ZFP69: variants seen among roughly 807,000 people sequenced by gnomAD.
ZFP69 encodes ZFP69 zinc finger protein.
ZFP69 carries 35 observed loss-of-function variants against 48.9 expected under a neutral mutation model. The observed-to-expected ratio is 0.72, with a 90% CI of 0.55 to 0.95. ZFP69 has a LOEUF of 0.95. Ranked by LOEUF, ZFP69 falls within the 40% of genes least tolerant of loss-of-function variation. The pLI is 0.00. For missense variants in ZFP69, 557 were observed against 638.4 expected, an observed-to-expected ratio of 0.87 and a Z score of 1.37; for synonymous variants, 193 against 216.8, an observed-to-expected ratio of 0.89 and a Z score of 0.96.
chr1:40,489,818 G>A (rs1645545236), intron 5 of ZFP69, among the ~76,000 whole-genome samples, 194 bp downstream of exon 5: 1 of 152,042 alleles, frequency 6.6e-6, no homozygotes, highest in East Asian at 1.9e-4. Flanking sequence ...CATGGTGGGA[G>A]CTGGAGCATG....
At chr1:40,488,161 T>A (rs1485501669) in intron 3 of ZFP69, among the ~76,000 whole-genome samples, 1 of 123,108 alleles carries the variant, frequency 8.1e-6, no homozygotes, top group East Asian at 2.4e-4. Context: ...TGTGTGTGTT[T>A]TGTATGTATA....
chr1:40,486,887 A>C (rs576534016), intron 3 of ZFP69, among the ~76,000 whole-genome samples: 33 of 146,000 alleles, frequency 2.3e-4, no homozygotes, highest in Non-Finnish European at 3.8e-4. Flanking sequence ...ATTTTTAGAT[A>C]TTGTCTTTTT....
intron 2 of ZFP69, among the ~76,000 whole-genome samples, chr1:40,480,712 C>T (rs1645435252): frequency 6.6e-6 from 1 of 152,036 alleles, no homozygotes; most frequent in Non-Finnish European, 1.5e-5. Flanking sequence ...GAAATGCATA[C>T]AAATGTCTGC....
intron 5 of ZFP69, chr1:40,490,897 A>C (rs1645561141): frequency 6.6e-6 from 1 of 152,216 alleles, no homozygotes; most frequent in African/African-American, 2.4e-5. Context: ...TTAGACACTC[A>C]GAAAGGCATA....
chr1:40,489,270 T>C, intron 4 of ZFP69, 56 bp downstream of exon 4: 1 of 1,584,550 alleles, frequency 6.3e-7, no homozygotes, highest in Non-Finnish European at 8.6e-7. Context: ...AGAGTCATTA[T>C]TTTAAATTAT....
chr1:40,496,051 A>G lies in ZFP69; in HGVS notation c.1573A>G (p.Lys525Glu), dbSNP rs1181921549. The stretch of plus-strand genomic sequence containing the variant: ...ACACAGGAGGAACGCCTTCCGAAAT[A>G]AGGTGTAAAAACAGATATTTGACTT... ...EIHRRNAFRN[K>E]V The change falls in exon 6 of 6, where the codon AAG becomes GAG. Residue 525 changes from lysine (K) to glutamate (E), a missense_variant. By Grantham distance (56) the Lys-to-Glu change is moderately conservative (BLOSUM62 1). Transcript: ENST00000372706. 1 of 1,578,828 alleles carries G rather than the reference A, an allele frequency of 6.3e-7. No homozygotes were observed. Among genetic ancestry groups the G allele is most frequent in the East Asian group, 2.2e-5 (1 of 44,576 alleles).
chr1:40,494,365 T>G, intron 5 of ZFP69, among the ~76,000 whole-genome samples: 1 of 135,802 alleles, frequency 7.4e-6, no homozygotes, highest in East Asian at 2.2e-4. Context: ...GCCTCCCGGG[T>G]TCACGCCATT....
intron 5 of ZFP69, chr1:40,493,649 T>A (rs1380949385): frequency 1.3e-5 from 2 of 152,216 alleles, no homozygotes; most frequent in Admixed American, 1.3e-4. Context: ...CCCCATCATC[T>A]TCTTTTCCTC....
rs767742441 is a variant in ZFP69, at chr1:40,495,998, ACT to A, written c.1523_1524del (p.Ser508PhefsTer3). ...GAATGTGGAAAAGCCTTCAGCTATA[ACT>A]CTTCACTTAGTCGACATCATGAAAT... On this transcript the variant is annotated frameshift_variant, in exon 6 of 6. Coordinates refer to ENST00000372706, the MANE Select transcript of ZFP69 (RefSeq NM_001320179.2). LOFTEE classifies it high-confidence loss of function. 2 of 1,613,180 alleles carry A rather than the reference ACT, an allele frequency of 1.2e-6. No individual in the cohort carries two copies. Among genetic ancestry groups the A allele is most frequent in the Admixed American group, 1.7e-5 (1 of 59,734 alleles).
In ZFP69 at chr1:40,495,030, T is replaced by C. The variant is rs868472357; in HGVS notation, c.552T>C (p.Ile184=). 1 of 1,614,036 alleles carries C rather than the reference T, an allele frequency of 6.2e-7. No individual in the cohort carries two copies. The highest frequency in any genetic ancestry group is 8.5e-7 in the Non-Finnish European group (1 of 1,180,008). The change falls in exon 6 of 6, where the codon ATT becomes ATC. Residue 184 remains isoleucine, a synonymous_variant. Coordinates refer to ENST00000372706, the MANE Select transcript of ZFP69 (RefSeq NM_001320179.2). ...AAAGTTTCATGAGGGATGATATAAT[T>C]TATTCCACGTTGAGAAAAGTCTCCA... ...MMESFMRDDI[I]YSTLRKVSTY... is the part of the protein sequence containing the mutation.
In ZFP69 at chr1:40,495,303, A is replaced by G. The variant is rs1173292271; in HGVS notation, c.825A>G (p.Ile275Met). 6.2e-7 allele frequency: 1 copy of G among 1,614,134 alleles called. No homozygotes were observed. Among genetic ancestry groups the G allele is most frequent in the East Asian group, 2.2e-5 (1 of 44,882 alleles). Residue 275 changes from isoleucine to methionine, a missense_variant, in exon 6 of 6, where the codon ATA becomes ATG. By Grantham distance (10) the Ile-to-Met change is conservative. Coordinates refer to ENST00000372706, the MANE Select transcript of ZFP69 (RefSeq NM_001320179.2). ...GAACAAAAACCTATGAATGTAATAT[A>G]TGTGAAAAAATCTTCAAACAACCTA... ...YIRTKTYECN[I>M]CEKIFKQPIH...
chr1:40,489,196 A>G lies in ZFP69; in HGVS notation c.328A>G (p.Ser110Gly). The G allele has an allele frequency of 1.2e-6, 2 of 1,614,168 alleles. No homozygotes were observed. The highest frequency in any genetic ancestry group is 1.7e-6 in the Non-Finnish European group (2 of 1,180,016). Reference protein sequence around the residue: ...LYREVMLENYSNLVSVGYQLS... With the variant: ...LYREVMLENYGNLVSVGYQLS... ...CCGAGAGGTGATGCTGGAGAACTAC[A>G]GCAACTTGGTGTCAGTGGGTAAGAC... is the stretch of plus-strand genomic sequence containing the variant. The change falls in exon 4 of 6, where the codon AGC becomes GGC. Residue 110 changes from serine to glycine, a missense_variant. By Grantham distance (56) the Ser-to-Gly change is moderately conservative (BLOSUM62 0). Coordinates refer to ENST00000372706, the MANE Select transcript of ZFP69 (RefSeq NM_001320179.2).
intron 3 of ZFP69, among the ~76,000 whole-genome samples, chr1:40,488,669 A>G (rs1645530746): frequency 6.6e-6 from 1 of 152,152 alleles, no homozygotes; most frequent in African/African-American, 2.4e-5. Flanking sequence ...CCTGCCCAGG[A>G]TGCTCTTCTC....
chr1:40,485,542 T>G lies in ZFP69; in HGVS notation c.220-3546T>G, dbSNP rs77292014. ...GAAAATGGAAAAAAACATGTCTTTCTTATTTGCCCTCATATTTATCCATTT... is the reference window on the plus strand; with the variant it reads ...GAAAATGGAAAAAAACATGTCTTTCGTATTTGCCCTCATATTTATCCATTT... On this transcript the variant is annotated intron_variant, in intron 3 of 5. Coordinates refer to ENST00000372706, the MANE Select transcript of ZFP69 (RefSeq NM_001320179.2). Among the ~76,000 whole-genome samples, 943 of 152,286 alleles carry G rather than the reference T, an allele frequency of 6.2e-3. 19 individuals carry two copies. The East Asian group carries it at 0.082, about 13-fold the overall frequency.
chr1:40,489,450 C>A, intron 4 of ZFP69, 79 bp from the exon 5 acceptor site: 1 of 1,346,996 alleles, frequency 7.4e-7, no homozygotes, highest in Non-Finnish European at 1.0e-6. Flanking sequence ...ACCCTGAATA[C>A]CAGAAGACTC....
Position 40,479,450 on chromosome 1 carries a change from C to T in ZFP69, c.89C>T (p.Pro30Leu). Residue 30 changes from proline (P) to leucine (L), a missense_variant, in exon 2 of 6, where the codon CCC becomes CTC. Pro to Leu is a moderately conservative substitution (Grantham distance 98). Transcript: ENST00000372706. ...CCAAAGAAGGCCGTGGAGGGGGCGC[C>T]CCTGTGGGAGGATGTGACTAAAATG... Reference protein sequence around the residue: ...QHPKKAVEGAPLWEDVTKMFE... With the variant: ...QHPKKAVEGALLWEDVTKMFE... The T allele has an allele frequency of 6.2e-7, 1 of 1,613,898 alleles. No individual in the cohort carries two copies. The highest frequency in any genetic ancestry group is 8.5e-7 in the Non-Finnish European group (1 of 1,179,920).
At chr1:40,482,202 CA>C (rs1346455496) in intron 3 of ZFP69, among the ~76,000 whole-genome samples, 2 of 151,880 alleles carry the variant, frequency 1.3e-5, no homozygotes, top group Non-Finnish European at 2.9e-5. Context: ...ATGAAATACT[CA>C]AAATCAAAAT....
intron 3 of ZFP69, among the ~76,000 whole-genome samples, chr1:40,482,487 A>G (rs192831580): frequency 9.2e-5 from 14 of 152,300 alleles, no homozygotes; most frequent in East Asian, 1.9e-4. Context: ...AATAAATGTG[A>G]AAGAAAGACT....
rs544683021 is a variant in ZFP69, at chr1:40,488,099, C to T, written c.220-989C>T. On this transcript the variant is annotated intron_variant, in intron 3 of 5. Coordinates refer to ENST00000372706, the MANE Select transcript of ZFP69 (RefSeq NM_001320179.2). ...GGCACGGTGTCTCATGCCTGTAATG[C>T]GAACACTTTGAGGGGCCAAGGCAGG... Among the ~76,000 whole-genome samples, 13 of 151,222 alleles carry T rather than the reference C, an allele frequency of 8.6e-5. No individual in the cohort carries two copies. In the East Asian group the frequency reaches 1.9e-3, roughly 23 times the overall value.
Sources: gnomAD v4.1 joint callset for allele counts (sites outside exome capture counted in the v4.1 genomes callset) on GRCh38, gnomAD v4.1.1 for gene constraint, MANE v1.5 for transcripts, NCBI Gene and HGNC (gene_info 2026-07-23, HGNC 2026-07-21) for gene names.